Variants in FSTL5 observed in about 807,000 individuals in gnomAD.
FSTL5 encodes follistatin-related protein 5.
A neutral mutation model predicts 89.1 loss-of-function variants in FSTL5; 62 were observed. The ratio of observed to expected loss-of-function variants is 0.70; its 90% confidence interval spans 0.57 to 0.86. The LOEUF is 0.86. Ranked by LOEUF, FSTL5 falls within the 40% of genes least tolerant of loss-of-function variation. The pLI is 0.00. For synonymous variants in FSTL5, 383 were observed against 346.2 expected, an observed-to-expected ratio of 1.11 and a Z score of -1.18; for missense variants, 1,057 against 1,001.6, an observed-to-expected ratio of 1.06 and a Z score of -0.75.
chr4:162,017,979 C>CA (rs1736964916), intron 3 of FSTL5, among the ~76,000 whole-genome samples: 1 of 152,076 alleles, frequency 6.6e-6, no homozygotes, highest in African/African-American at 2.4e-5. Context: ...AGAACCCCTC[C>CA]AGCCTGACTT....
intron 15 of FSTL5, among the ~76,000 whole-genome samples, chr4:161,426,094 A>G (rs1732159054): frequency 1.3e-5 from 2 of 152,256 alleles, no homozygotes; most frequent in Admixed American, 6.5e-5. Context: ...CTTGCTTAAT[A>G]TTATTTATAC....
At chr4:161,681,458 T>C (rs1161986264) in intron 6 of FSTL5, among the ~76,000 whole-genome samples, 3 of 152,100 alleles carry the variant, frequency 2.0e-5, no homozygotes. Flanking sequence ...ATTAGGGGTA[T>C]ACTAAACATA....
chr4:162,042,487 C>T (rs1738002279), intron 2 of FSTL5, among the ~76,000 whole-genome samples: 1 of 151,936 alleles, frequency 6.6e-6, no homozygotes, highest in South Asian at 2.1e-4. Flanking sequence ...GTGTAACAGA[C>T]TGGGTTAAGG....
At chr4:161,437,044 A>T (rs1191524919) in intron 15 of FSTL5, among the ~76,000 whole-genome samples, 1 of 152,184 alleles carries the variant, frequency 6.6e-6, no homozygotes, top group African/African-American at 2.4e-5. Flanking sequence ...CAAATGTTTG[A>T]AAAAATGAGT....
chr4:161,932,874 G>T (rs947933428), intron 3 of FSTL5, among the ~76,000 whole-genome samples: 1 of 151,856 alleles, frequency 6.6e-6, no homozygotes. Flanking sequence ...GAAATTCCTA[G>T]GCTTCTAAAT....
chr4:161,969,861 A>G lies in FSTL5; in HGVS notation c.161-49209T>C, dbSNP rs138501977. Among the ~76,000 whole-genome samples the G allele has an allele frequency of 6.8e-3, 1,029 of 152,226 alleles. 19 individuals are homozygous for G. The highest frequency in any genetic ancestry group is 0.023 in the African/African-American group (962 of 41,548). ...AGAAATGAGGGATGATAATAATAAT[A>G]TAGGCAGAGGAAATGAGGATTTGAG... On this transcript the variant is annotated intron_variant, in intron 3 of 15. Transcript: ENST00000306100.
At chr4:162,010,671 T>C (rs531054084) in intron 3 of FSTL5, among the ~76,000 whole-genome samples, 1 of 152,244 alleles carries the variant, frequency 6.6e-6, no homozygotes, top group Non-Finnish European at 1.5e-5. Context: ...CCTATTCTGG[T>C]CATTTCATAT....
intron 4 of FSTL5, among the ~76,000 whole-genome samples, chr4:161,835,705 G>T (rs934919114): frequency 5.1e-4 from 77 of 152,270 alleles, no homozygotes; most frequent in African/African-American, 1.8e-3. Context: ...ATGAAAAAAT[G>T]CTCATCATCA....
At chr4:161,597,443 C>T (rs1280165154) in intron 7 of FSTL5, among the ~76,000 whole-genome samples, 1 of 132,718 alleles carries the variant, frequency 7.5e-6, no homozygotes, top group Admixed American at 9.3e-5. Context: ...AACACTTGGA[C>T]ACAGGAAGGG....
chr4:161,741,647 A>C (rs1253097310), intron 6 of FSTL5, among the ~76,000 whole-genome samples: 1 of 152,036 alleles, frequency 6.6e-6, no homozygotes, highest in Non-Finnish European at 1.5e-5. Context: ...GAAATTACAA[A>C]AGACTGTGGT....
chr4:162,092,541 T>C (rs938412656), intron 2 of FSTL5, among the ~76,000 whole-genome samples: 3 of 152,122 alleles, frequency 2.0e-5, no homozygotes, highest in Non-Finnish European at 4.4e-5. Flanking sequence ...AGAATAGCAA[T>C]AATACAACAC....
intron 7 of FSTL5, among the ~76,000 whole-genome samples, chr4:161,604,615 G>A (rs372230854): frequency 6.6e-6 from 1 of 152,112 alleles, no homozygotes; most frequent in Admixed American, 6.5e-5. Flanking sequence ...CCGGGTAGTA[G>A]AGAAAGTCAC....
chr4:161,422,464 C>A (rs1732024522), intron 15 of FSTL5, among the ~76,000 whole-genome samples: 1 of 152,042 alleles, frequency 6.6e-6, no homozygotes, highest in South Asian at 2.1e-4. Flanking sequence ...AGTCCAGAAC[C>A]AATTTTCTTA....
intron 15 of FSTL5, among the ~76,000 whole-genome samples, chr4:161,408,109 G>T (rs549589208): frequency 4.7e-4 from 71 of 152,106 alleles, no homozygotes; most frequent in Non-Finnish European, 4.3e-4. Flanking sequence ...GGGTTGTTTG[G>T]TAACAGTTTG....
intron 2 of FSTL5, among the ~76,000 whole-genome samples, chr4:162,078,592 T>C (rs1371907429): frequency 6.6e-6 from 1 of 151,836 alleles, no homozygotes; most frequent in Non-Finnish European, 1.5e-5. Flanking sequence ...TAATAAACTA[T>C]TCTCAAATTT....
chr4:161,956,729 C>T lies in FSTL5; in HGVS notation c.161-36077G>A, dbSNP rs369544195. Among the ~76,000 whole-genome samples the T allele has an allele frequency of 3.3e-5, 5 of 152,024 alleles. No homozygotes were observed. In the East Asian group the frequency reaches 9.6e-4, roughly 29 times the overall value. ...CGGGTTAATGTAAAAAAAGCTGAAA[C>T]TCTCTATTAAAAATATATACGAAAT... On this transcript the variant is annotated intron_variant, in intron 3 of 15. Transcript: ENST00000306100.
Position 162,075,166 on chromosome 4 carries a change from G to T in FSTL5, c.126+36105C>A, listed in dbSNP as rs552043695. 1.5e-4 allele frequency among the ~76,000 whole-genome samples: 23 copies of T among 151,852 alleles called. 1 individual carries two copies. In the South Asian group the frequency reaches 4.8e-3, roughly 31 times the overall value. The stretch of plus-strand genomic sequence containing the variant: ...AGACTCGAAGCCAAAGCTTTCCCTA[G>T]GATGTGTCCCATCAATGGCATCTCT... On this transcript the variant is annotated intron_variant, in intron 2 of 15. Transcript: ENST00000306100.
At chr4:161,940,084 A>G (rs1465899095) in intron 3 of FSTL5, among the ~76,000 whole-genome samples, 1 of 151,764 alleles carries the variant, frequency 6.6e-6, no homozygotes, top group Non-Finnish European at 1.5e-5. Flanking sequence ...GAAAATTATT[A>G]CCAGTTATTG....
chr4:161,590,794 GAGA>G (rs1372286085), intron 7 of FSTL5, among the ~76,000 whole-genome samples: 2 of 152,176 alleles, frequency 1.3e-5, no homozygotes, highest in African/African-American at 2.4e-5. Context: ...CATTGCTAGT[GAGA>G]AGATTAAATG....
Sources: allele counts gnomAD v4.1 joint callset (sites outside exome capture counted in the v4.1 genomes callset), GRCh38; gene constraint gnomAD v4.1.1; transcripts MANE v1.5; gene names NCBI Gene and HGNC (gene_info 2026-07-23, HGNC 2026-07-21).